The following MAST4 variants were observed in gnomAD, a reference collection of about 807,000 sequenced individuals.
MAST4 encodes the protein microtubule associated serine/threonine kinase family member 4, also known as microtubule-associated serine/threonine-protein kinase 4.
In MAST4, 89 loss-of-function variants were observed where a neutral mutation model predicts 162.7. The ratio of observed to expected loss-of-function variants is 0.55; its 90% confidence interval spans 0.46 to 0.65. The LOEUF (loss-of-function observed/expected upper bound fraction) is 0.65. MAST4 is among the 30% of genes least tolerant of loss of function. The pLI, the probability that MAST4 is intolerant of heterozygous loss-of-function variation, is 0.00. For missense variants in MAST4, 3,153 were observed against 3,374.0 expected, an observed-to-expected ratio of 0.93 and a Z score of 1.62; for synonymous variants, 1,479 against 1,361.1, an observed-to-expected ratio of 1.09 and a Z score of -1.91.
chr5:66,786,956 T>C (rs1292234861), intron 2 of MAST4, among the ~76,000 whole-genome samples: 1 of 152,206 alleles, frequency 6.6e-6, no homozygotes, highest in Non-Finnish European at 1.5e-5. Context: ...GTATCACATT[T>C]TTTTTGCAAT....
intron 24 of MAST4, 110 bp downstream of exon 24, chr5:67,149,699 G>A (rs145208182): frequency 9.0e-5 from 99 of 1,096,498 alleles, no homozygotes; most frequent in Middle Eastern, 2.2e-4. Flanking sequence ...AAGTAATAAC[G>A]GGTCATGTCC....
intron 1 of MAST4, among the ~76,000 whole-genome samples, chr5:66,613,454 A>G (rs989892445): frequency 1.2e-4 from 19 of 152,090 alleles, no homozygotes; most frequent in African/African-American, 4.1e-4. Flanking sequence ...TAGAATTTCA[A>G]ACACCACTTC....
intron 1 of MAST4, among the ~76,000 whole-genome samples, chr5:66,658,446 A>G (rs1746694848): frequency 6.6e-6 from 1 of 152,196 alleles, no homozygotes; most frequent in Non-Finnish European, 1.5e-5. Context: ...TTCCTTTTAA[A>G]TCAATATCAA....
At chr5:67,134,824 A>C in intron 18 of MAST4, 136 bp downstream of exon 18, 1 of 669,354 alleles carries the variant, frequency 1.5e-6, no homozygotes, top group Non-Finnish European at 2.4e-6. Context: ...GAACTCACTC[A>C]TCAAAGCATA....
At chr5:66,932,010 G>C (rs1369554245) in intron 4 of MAST4, among the ~76,000 whole-genome samples, 3 of 152,124 alleles carry the variant, frequency 2.0e-5, no homozygotes, top group Admixed American at 1.3e-4. Context: ...AGCTTAGCTG[G>C]TAAGAAACAT....
At chr5:66,597,402 C>T (rs115152520) in intron 1 of MAST4, among the ~76,000 whole-genome samples, 2 of 151,928 alleles carry the variant, frequency 1.3e-5, no homozygotes, top group Admixed American at 6.6e-5. Context: ...GCGCTTGGGC[C>T]GAGGGGCAGG....
intron 4 of MAST4, among the ~76,000 whole-genome samples, chr5:66,987,140 T>G (rs561288437): frequency 9.8e-5 from 15 of 152,296 alleles, no homozygotes; most frequent in Non-Finnish European, 2.1e-4. Flanking sequence ...CAAATATGTA[T>G]ATAAGTATGT....
chr5:66,948,682 C>G (rs145002040), intron 4 of MAST4, among the ~76,000 whole-genome samples: 202 of 152,194 alleles, frequency 1.3e-3, no homozygotes, highest in African/African-American at 4.7e-3. Context: ...AGCTGGACTT[C>G]TTAAGATGGC....
In MAST4 at chr5:66,788,707, CT is replaced by C; in HGVS notation, c.556del (p.Trp186GlyfsTer29). The C allele has an allele frequency of 6.2e-7, 1 of 1,613,648 alleles. No individual in the cohort carries two copies. The highest frequency in any genetic ancestry group is 8.5e-7 in the Non-Finnish European group (1 of 1,179,676). On this transcript the variant is annotated frameshift_variant, in exon 3 of 29. Transcript: ENST00000403625. LOFTEE classifies it high-confidence loss of function. Reference sequence around the variant, plus strand: ...TTCCAAACCCGGTGGCGGGACAGGCCTGGCCGGCCTCTGCAGAGACGTCCAA... The same window carrying C: ...TTCCAAACCCGGTGGCGGGACAGGCCGGCCGGCCTCTGCAGAGACGTCCAA... ...LLPNPVAGQA[W>X]PASAETSNLV...
chr5:66,605,582 T>C (rs1742831029), intron 1 of MAST4, among the ~76,000 whole-genome samples: 1 of 152,170 alleles, frequency 6.6e-6, no homozygotes, highest in Non-Finnish European at 1.5e-5. Context: ...TCACATACTT[T>C]TTTCTTTCCT....
intron 3 of MAST4, among the ~76,000 whole-genome samples, chr5:66,804,009 G>A (rs1367086783): frequency 1.3e-5 from 2 of 149,322 alleles, no homozygotes; most frequent in African/African-American, 4.9e-5. Flanking sequence ...TTTTTCTTTT[G>A]CTATTAAGTG....
intron 1 of MAST4, among the ~76,000 whole-genome samples, chr5:66,692,184 C>G (rs766352718): frequency 6.6e-6 from 1 of 152,164 alleles, no homozygotes; most frequent in Non-Finnish European, 1.5e-5. Context: ...CTCGCTTGCT[C>G]TCTCTCGACC....
In MAST4 at chr5:66,639,532, A is replaced by G. The variant is rs753276865; in HGVS notation, c.363+42514A>G. Among the ~76,000 whole-genome samples, 6 of 152,210 alleles carry G rather than the reference A, an allele frequency of 3.9e-5. No individual in the cohort carries two copies. In the South Asian group the frequency reaches 6.2e-4, roughly 16 times the overall value. On this transcript the variant is annotated intron_variant, in intron 1 of 28. Transcript: ENST00000403625. ...GTGTAACTATGTTCGGTGAAACTGT[A>G]TCAAATGACTTTAAGCATGGTGTTT...
intron 1 of MAST4, among the ~76,000 whole-genome samples, chr5:66,600,486 GC>G (rs1175128581): frequency 2.6e-5 from 4 of 152,236 alleles, no homozygotes; most frequent in Admixed American, 6.5e-5. Context: ...CAGCAAACTG[GC>G]CGAGGGCAGG....
intron 4 of MAST4, among the ~76,000 whole-genome samples, chr5:66,993,925 C>CCA (rs1481416602): frequency 8.2e-5 from 6 of 72,762 alleles, no homozygotes; most frequent in Middle Eastern, 8.9e-3. Context: ...AGAAGACCCC[C>CCA]CCCCCCACCC....
chr5:67,097,626 T>C lies in MAST4; in HGVS notation c.912+1951T>C, dbSNP rs564254210. On this transcript the variant is annotated intron_variant, in intron 7 of 28. Coordinates refer to ENST00000403625, the MANE Select transcript of MAST4 (RefSeq NM_001164664.2). ...CCTACGGAAGACACCCCCAAGACCA[T>C]TTTTAGTCATACACACATACTTTGT... Among the ~76,000 whole-genome samples the C allele has an allele frequency of 3.0e-4, 46 of 152,244 alleles. No homozygotes were observed. In the South Asian group the frequency reaches 6.6e-3, roughly 22 times the overall value.
intron 5 of MAST4, among the ~76,000 whole-genome samples, chr5:67,088,557 A>G (rs1410238538): frequency 6.6e-6 from 1 of 152,198 alleles, no homozygotes; most frequent in East Asian, 1.9e-4. Context: ...TACAAGCTAA[A>G]TTAGGGGTGT....
chr5:66,873,909 A>T (rs887150216), intron 3 of MAST4, among the ~76,000 whole-genome samples: 1 of 152,182 alleles, frequency 6.6e-6, no homozygotes, highest in African/African-American at 2.4e-5. Context: ...TTAATTTTTA[A>T]AAGAGAAATT....
intron 3 of MAST4, among the ~76,000 whole-genome samples, chr5:66,849,547 C>G (rs1236194560): frequency 1.3e-5 from 2 of 152,136 alleles, no homozygotes; most frequent in African/African-American, 4.8e-5. Flanking sequence ...TTTCTTTGCC[C>G]AGAGAAGTAA....
Sources: allele counts gnomAD v4.1 joint callset (sites outside exome capture counted in the v4.1 genomes callset), GRCh38; gene constraint gnomAD v4.1.1; transcripts MANE v1.5; gene names NCBI Gene and HGNC (gene_info 2026-07-23, HGNC 2026-07-21).